Variants in NAA15 observed in about 807,000 individuals in gnomAD.
NAA15 encodes the protein N-alpha-acetyltransferase 15, NatA auxiliary subunit.
In NAA15, 34 loss-of-function variants were observed where a neutral mutation model predicts 114.0. The observed-to-expected ratio is 0.30, with a 90% CI of 0.23 to 0.40. The LOEUF is 0.40. Among genes scored for constraint, NAA15 ranks in the 10% least tolerant of loss-of-function variants. The pLI is 1.00. For missense variants in NAA15, 658 were observed against 1,004.5 expected (o/e 0.66, Z 4.66); for synonymous variants, 340 against 338.0 (o/e 1.01, Z -0.06).
At chr4:139,354,438 A>G (rs1747875855) in intron 10 of NAA15, among the ~76,000 whole-genome samples, 1 of 152,158 alleles carries the variant, frequency 6.6e-6, no homozygotes, top group Admixed American at 6.5e-5. Context: ...AGCTGGGACC[A>G]CAGACATGCA....
chr4:139,303,241 A>G (rs1579074716), intron 1 of NAA15, among the ~76,000 whole-genome samples: 2 of 152,148 alleles, frequency 1.3e-5, no homozygotes, highest in East Asian at 3.8e-4. Context: ...TGGAGCTGTA[A>G]AATAGTTTTA....
intron 1 of NAA15, among the ~76,000 whole-genome samples, chr4:139,328,619 G>T (rs1199166218): frequency 6.7e-6 from 1 of 148,258 alleles, no homozygotes; most frequent in Non-Finnish European, 1.5e-5. Flanking sequence ...CCAGGCTGGA[G>T]TGCAGTGGCG....
At chr4:139,350,122 A>C (rs1747729880) in intron 7 of NAA15, among the ~76,000 whole-genome samples, 1 of 152,126 alleles carries the variant, frequency 6.6e-6, no homozygotes, top group Non-Finnish European at 1.5e-5. Flanking sequence ...TTTAGAAAAA[A>C]ATTCACAAAT....
chr4:139,339,997 A>C (rs1226794542), intron 3 of NAA15, among the ~76,000 whole-genome samples: 1 of 152,070 alleles, frequency 6.6e-6, no homozygotes, highest in Non-Finnish European at 1.5e-5. Context: ...TTAATATAGG[A>C]GGCTATTTTG....
At chr4:139,366,121 A>G (rs1244810232) in intron 14 of NAA15, among the ~76,000 whole-genome samples, 1 of 151,734 alleles carries the variant, frequency 6.6e-6, no homozygotes, top group East Asian at 1.9e-4. Context: ...TATGTTATCT[A>G]TTGCTGCATC....
chr4:139,376,269 G>A (rs944103582), intron 15 of NAA15, 96 bp from the exon 16 acceptor site: 9 of 743,928 alleles, frequency 1.2e-5, no homozygotes, highest in Admixed American at 1.1e-4. Context: ...ACTGGTAAGT[G>A]ATTTTATTTT....
chr4:139,386,111 T>A (rs969217547), intron 18 of NAA15, 22 bp from the exon 19 acceptor site: 6 of 1,335,390 alleles, frequency 4.5e-6, no homozygotes, highest in Non-Finnish European at 5.3e-6. Flanking sequence ...TGAAATAAAT[T>A]TCCTATTTCC....
intron 1 of NAA15, among the ~76,000 whole-genome samples, chr4:139,320,321 C>T (rs1746553768): frequency 6.6e-6 from 1 of 152,144 alleles, no homozygotes; most frequent in Non-Finnish European, 1.5e-5. Flanking sequence ...CATGTATGTG[C>T]CACTTCATAG....
At chr4:139,387,781 T>C in intron 19 of NAA15, 103 bp from the exon 20 acceptor site, 1 of 894,760 alleles carries the variant, frequency 1.1e-6, no homozygotes, top group Non-Finnish European at 1.8e-6. Flanking sequence ...ATATGTGTAT[T>C]TATTTCTTAT....
intron 6 of NAA15, among the ~76,000 whole-genome samples, chr4:139,348,271 T>C (rs951044116): frequency 1.3e-5 from 2 of 151,830 alleles, no homozygotes; most frequent in East Asian, 3.9e-4. Context: ...CTGGGCAAAA[T>C]GGCGAAAACC....
chr4:139,303,226 G>A (rs143030178), intron 1 of NAA15, among the ~76,000 whole-genome samples: 8 of 152,326 alleles, frequency 5.3e-5, no homozygotes, highest in African/African-American at 1.9e-4. Context: ...GACTAAGAGT[G>A]TAGGTGGAGC....
intron 3 of NAA15, among the ~76,000 whole-genome samples, chr4:139,340,672 T>G (rs1206816023): frequency 6.6e-6 from 1 of 152,222 alleles, no homozygotes; most frequent in Non-Finnish European, 1.5e-5. Context: ...TGAGACTGAT[T>G]TGTCCAAGGT....
chr4:139,341,173 T>TAATTG, intron 4 of NAA15, 104 bp downstream of exon 4: 1 of 854,992 alleles, frequency 1.2e-6, no homozygotes, highest in Non-Finnish European at 1.7e-6. Context: ...GAAAATAATT[T>TAATTG]AATTGAATTT....
At chr4:139,310,301 A>G (rs2110832772) in intron 1 of NAA15, among the ~76,000 whole-genome samples, 1 of 151,246 alleles carries the variant, frequency 6.6e-6, no homozygotes, top group South Asian at 2.1e-4. Context: ...AAAAATACAA[A>G]AAATTAGCCG....
chr4:139,307,626 T>G (rs1746068229), intron 1 of NAA15, among the ~76,000 whole-genome samples: 1 of 152,224 alleles, frequency 6.6e-6, no homozygotes, highest in Admixed American at 6.5e-5. Context: ...GAAATGAATT[T>G]TTAATTAATC....
chr4:139,344,422 T>G (rs1747513967), intron 6 of NAA15, 83 bp downstream of exon 6: 7 of 1,111,846 alleles, frequency 6.3e-6, no homozygotes, highest in African/African-American at 1.6e-5. Flanking sequence ...GCTGACAGTT[T>G]CATATAATTC....
At chr4:139,339,015 TG>T (rs1012383910) in intron 3 of NAA15, among the ~76,000 whole-genome samples, 17 of 151,978 alleles carry the variant, frequency 1.1e-4, no homozygotes, top group African/African-American at 3.9e-4. Context: ...TTTGCAGTGT[TG>T]GCCAGGCTGG....
intron 17 of NAA15, among the ~76,000 whole-genome samples, chr4:139,381,907 C>T (rs1475602754): frequency 6.6e-6 from 1 of 152,102 alleles, no homozygotes; most frequent in Non-Finnish European, 1.5e-5. Context: ...TTTATATTCC[C>T]CTTCTCGCTC....
chr4:139,331,774 G>GT (rs1024935843), intron 1 of NAA15, among the ~76,000 whole-genome samples: 8 of 151,832 alleles, frequency 5.3e-5, no homozygotes, highest in Admixed American at 2.0e-4. Context: ...CATATCACAG[G>GT]TTTTTTATAA....
Sources: allele counts gnomAD v4.1 joint callset (sites outside exome capture counted in the v4.1 genomes callset), GRCh38; gene constraint gnomAD v4.1.1; transcripts MANE v1.5; gene names NCBI Gene and HGNC (gene_info 2026-07-23, HGNC 2026-07-21).